DAB2IP: variants seen among roughly 807,000 people sequenced by gnomAD.
The protein encoded by DAB2IP is disabled homolog 2-interacting protein.
DAB2IP carries 28 observed loss-of-function variants against 107.2 expected under a neutral mutation model. The observed-to-expected ratio is 0.26, with a 90% CI of 0.19 to 0.36. The LOEUF (loss-of-function observed/expected upper bound fraction) is 0.36, where lower values mean the gene tolerates loss of function less well. Among genes scored for constraint, DAB2IP ranks in the 10% least tolerant of loss-of-function variants. DAB2IP has a pLI of 1.00. For synonymous variants in DAB2IP, 755 were observed against 706.4 expected (o/e 1.07, Z -1.09); for missense variants, 1,400 against 1,644.7 (o/e 0.85, Z 2.57).
intron 1 of DAB2IP, among the ~76,000 whole-genome samples, chr9:121,574,234 C>T (rs1162479123): frequency 2.0e-5 from 3 of 152,144 alleles, no homozygotes; most frequent in South Asian, 2.1e-4. Flanking sequence ...GCCTGCCCTC[C>T]CTCTGAGGCC....
chr9:121,569,170 G>C (rs1829874239), intron 1 of DAB2IP, among the ~76,000 whole-genome samples: 1 of 152,250 alleles, frequency 6.6e-6, no homozygotes, highest in Admixed American at 6.5e-5. Flanking sequence ...AGGCCATCCT[G>C]GGTCAGGGCA....
chr9:121,672,228 C>T (rs1833713266), intron 1 of DAB2IP, among the ~76,000 whole-genome samples: 1 of 152,164 alleles, frequency 6.6e-6, no homozygotes, highest in Non-Finnish European at 1.5e-5. Context: ...GCCGAGGACA[C>T]AGGGACACCC....
intron 1 of DAB2IP, among the ~76,000 whole-genome samples, chr9:121,609,521 C>G (rs1234576459): frequency 6.6e-6 from 1 of 152,226 alleles, no homozygotes; most frequent in Non-Finnish European, 1.5e-5. Context: ...ATTGTTCCAG[C>G]AACACTGACC....
intron 3 of DAB2IP, among the ~76,000 whole-genome samples, chr9:121,733,721 C>A (rs1027618466): frequency 1.3e-5 from 2 of 152,164 alleles, no homozygotes; most frequent in African/African-American, 4.8e-5. Flanking sequence ...GGAAGGCTTC[C>A]CTCAGGTGGG....
Position 121,651,944 on chromosome 9 carries a change from A to G in DAB2IP, c.124+45A>G. 1.6e-6 allele frequency: 2 copies of G among 1,267,500 alleles called. No individual in the cohort carries two copies. The highest frequency in any genetic ancestry group is 2.0e-6 in the Non-Finnish European group (2 of 1,000,754). The allele number at this position is 1,267,500 out of a possible 1,614,324, so 78.5% of individuals were successfully genotyped here. ...CTGACCCCTAGACCCTCCTAAGGCC[A>G]CTAAGCCACCTGATGCCCTGGGATG... On this transcript the variant is annotated intron_variant, in intron 1 of 15. Coordinates refer to ENST00000408936, the Ensembl canonical transcript of DAB2IP. This position sits in a 1 kb window ranked among gnomAD's most constrained non-coding sequence, Gnocchi z 5.1.
At chr9:121,614,891 G>A (rs371413800) in intron 1 of DAB2IP, among the ~76,000 whole-genome samples, 81 of 151,898 alleles carry the variant, frequency 5.3e-4, no homozygotes, top group Middle Eastern at 3.4e-3. Flanking sequence ...GCACCACCGC[G>A]TTCGGCTACT....
intron 1 of DAB2IP, among the ~76,000 whole-genome samples, chr9:121,583,484 G>T (rs1360491431): frequency 6.6e-6 from 1 of 152,290 alleles, no homozygotes; most frequent in South Asian, 2.1e-4. Flanking sequence ...ACTGAGGAAC[G>T]TGCCAGAACA....
chr9:121,774,208 C>T, intron 12 of DAB2IP, 52 bp from the exon 13 acceptor site: 1 of 1,504,742 alleles, frequency 6.6e-7, no homozygotes, highest in Non-Finnish European at 8.9e-7. Context: ...TCCCGCCCCT[C>T]CTGCTTGCCC....
rs536769013 is a variant in DAB2IP at position 121,694,873 on chromosome 9, G to A, written c.229-4452G>A. Among the ~76,000 whole-genome samples the A allele has an allele frequency of 3.0e-4, 46 of 152,306 alleles. 1 individual carries two copies. The highest frequency in any genetic ancestry group is 1.1e-3 in the African/African-American group (46 of 41,578). ...CAGCAGCCTTGTGCAGCAGCCTTGT[G>A]CAAAAGCCCTGGGGCCTTGGTTGAC... is the stretch of plus-strand genomic sequence containing the variant. On this transcript the variant is annotated intron_variant, in intron 2 of 15. Coordinates refer to ENST00000408936, the Ensembl canonical transcript of DAB2IP.
chr9:121,573,725 A>C (rs1255758799), intron 1 of DAB2IP, among the ~76,000 whole-genome samples: 1 of 152,166 alleles, frequency 6.6e-6, no homozygotes, highest in African/African-American at 2.4e-5. Flanking sequence ...GGTGGGTTGC[A>C]GTTAGCCTTA....
rs561885127 is a variant in DAB2IP at position 121,691,507 on chromosome 9, G to C, written c.229-7818G>C. On this transcript the variant is annotated intron_variant, in intron 2 of 15. Transcript: ENST00000408936. ...CTGCACTCCAGCCTGAGGACAGTGA[G>C]AGACTCCATGTCAAAAAAAAAAAAA... 5.1e-4 allele frequency among the ~76,000 whole-genome samples: 75 copies of C among 147,306 alleles called. No homozygotes were observed. In the Middle Eastern group the frequency reaches 0.021, roughly 41 times the overall value.
At chr9:121,626,460 A>G (rs1345017398) in intron 1 of DAB2IP, among the ~76,000 whole-genome samples, 2 of 128,778 alleles carry the variant, frequency 1.6e-5, no homozygotes, top group African/African-American at 6.0e-5. Flanking sequence ...GTTTTGCTCT[A>G]TTGACCAGGC....
chr9:121,620,232 G>A (rs941544869), intron 1 of DAB2IP, among the ~76,000 whole-genome samples: 1 of 152,178 alleles, frequency 6.6e-6, no homozygotes, highest in Non-Finnish European at 1.5e-5. Context: ...CTGGAGCCCT[G>A]GCCAGGCACC....
At chr9:121,623,069 G>T (rs1017737438) in intron 1 of DAB2IP, among the ~76,000 whole-genome samples, 2 of 152,216 alleles carry the variant, frequency 1.3e-5, no homozygotes, top group Non-Finnish European at 2.9e-5. Context: ...TCTTAAGCAA[G>T]TGAGATGCTT....
chr9:121,630,626 T>G (rs1831841552), intron 1 of DAB2IP, among the ~76,000 whole-genome samples: 1 of 151,736 alleles, frequency 6.6e-6, no homozygotes, highest in South Asian at 2.1e-4. Flanking sequence ...TATATATTTT[T>G]GAATGGAGTC....
intron 1 of DAB2IP, among the ~76,000 whole-genome samples, chr9:121,588,197 C>T (rs757723917): frequency 7.2e-5 from 11 of 152,136 alleles, no homozygotes; most frequent in Non-Finnish European, 1.0e-4. Context: ...AGGTCAAGAC[C>T]GTGAGTCCTT....
rs557248114 is a variant in DAB2IP at position 121,709,780 on chromosome 9, C to T, written c.362+10322C>T. 3.4e-4 allele frequency among the ~76,000 whole-genome samples: 52 copies of T among 152,372 alleles called. 1 individual carries two copies. Among genetic ancestry groups the T allele is most frequent in the Admixed American group, 2.0e-3 (31 of 15,312 alleles). On this transcript the variant is annotated intron_variant, in intron 3 of 15. Coordinates refer to ENST00000408936, the Ensembl canonical transcript of DAB2IP. ...CATCTCTGATTTTCTTGACTACCCTCATTTTATCCTTCCCCCATTTTACAG... is the reference window on the plus strand; with the variant it reads ...CATCTCTGATTTTCTTGACTACCCTTATTTTATCCTTCCCCCATTTTACAG...
chr9:121,767,068 C>G (rs987585184), intron 9 of DAB2IP, among the ~76,000 whole-genome samples: 9 of 152,184 alleles, frequency 5.9e-5, no homozygotes, highest in African/African-American at 2.2e-4. Context: ...AAATAAATGA[C>G]TAATATTCCT....
intron 3 of DAB2IP, among the ~76,000 whole-genome samples, chr9:121,755,538 T>G (rs1195209290): frequency 6.6e-6 from 1 of 152,140 alleles, no homozygotes; most frequent in Non-Finnish European, 1.5e-5. Context: ...CTGGCCTCTG[T>G]GGGGTATCTA....
Sources: gnomAD v4.1 joint callset for allele counts (sites outside exome capture counted in the v4.1 genomes callset) on GRCh38, gnomAD v4.1.1 for gene constraint, Gnocchi (gnomAD v3.1) non-coding constraint, MANE v1.5 for transcripts, NCBI Gene and HGNC (gene_info 2026-07-23, HGNC 2026-07-21) for gene names.